Variants in IFT80 observed in about 807,000 individuals in gnomAD.
IFT80 encodes the protein intraflagellar transport protein 80 homolog.
Under a neutral mutation model 107.9 loss-of-function variants are expected in IFT80, and 79 were observed. That is an observed-to-expected ratio of 0.73 (90% CI 0.61 to 0.88). The LOEUF (loss-of-function observed/expected upper bound fraction) is 0.88. Among genes scored for constraint, IFT80 ranks in the 40% least tolerant of loss-of-function variants. The pLI, the probability that IFT80 is intolerant of heterozygous loss-of-function variation, is 0.00. For synonymous variants in IFT80, 299 were observed against 300.9 expected, an observed-to-expected ratio of 0.99 and a Z score of 0.07; for missense variants, 797 against 914.2, an observed-to-expected ratio of 0.87 and a Z score of 1.65.
chr3:160,307,173 G>T (rs773158370), intron 10 of IFT80, among the ~76,000 whole-genome samples: 3 of 151,996 alleles, frequency 2.0e-5, no homozygotes, highest in Non-Finnish European at 4.4e-5. Flanking sequence ...TTTGAGACAG[G>T]GTCTCACTCT....
chr3:160,339,754 A>G (rs1162652545), intron 8 of IFT80, among the ~76,000 whole-genome samples: 3 of 152,256 alleles, frequency 2.0e-5, no homozygotes, highest in Admixed American at 6.5e-5. Context: ...AGTGTTCTGT[A>G]TTAACAATAT....
intron 18 of IFT80, chr3:160,274,506 AG>A (rs1714080763): frequency 6.6e-6 from 1 of 152,236 alleles, no homozygotes; most frequent in Admixed American, 6.5e-5. Flanking sequence ...ATAGAGAGTA[AG>A]GGCATGAATA....
intron 12 of IFT80, among the ~76,000 whole-genome samples, chr3:160,294,087 T>C (rs981949531): frequency 1.3e-5 from 2 of 152,206 alleles, no homozygotes; most frequent in Non-Finnish European, 2.9e-5. Flanking sequence ...TTATTGAACT[T>C]GAGGGGCTGA....
intron 8 of IFT80, among the ~76,000 whole-genome samples, chr3:160,331,862 G>T (rs1719111803): frequency 6.6e-6 from 1 of 152,040 alleles, no homozygotes; most frequent in Non-Finnish European, 1.5e-5. Flanking sequence ...GGTCTATGTT[G>T]CCCAGGCTGC....
At chr3:160,259,325 C>G (rs147971806) in intron 19 of IFT80, among the ~76,000 whole-genome samples, 1 of 152,090 alleles carries the variant, frequency 6.6e-6, no homozygotes, top group African/African-American at 2.4e-5. Flanking sequence ...TGAGATGGAC[C>G]GCTGTCTTCC....
At chr3:160,308,468 G>C (rs1194033212) in intron 9 of IFT80, among the ~76,000 whole-genome samples, 1 of 152,024 alleles carries the variant, frequency 6.6e-6, no homozygotes, top group Non-Finnish European at 1.5e-5. Context: ...TGAAGTTGAT[G>C]AACAAACTGC....
intron 3 of IFT80, among the ~76,000 whole-genome samples, chr3:160,378,542 A>G (rs1712220895): frequency 6.6e-6 from 1 of 151,906 alleles, no homozygotes; most frequent in African/African-American, 2.4e-5. Context: ...CTCTGTGGAA[A>G]ATGGCTGATT....
chr3:160,294,588 G>A (rs1461650335), intron 12 of IFT80, among the ~76,000 whole-genome samples: 3 of 152,222 alleles, frequency 2.0e-5, no homozygotes, highest in Admixed American at 2.0e-4. Flanking sequence ...TTCAGTTGGA[G>A]TAGAAAAAGA....
intron 8 of IFT80, among the ~76,000 whole-genome samples, chr3:160,348,544 T>A: frequency 6.6e-6 from 1 of 152,186 alleles, no homozygotes; most frequent in East Asian, 1.9e-4. Flanking sequence ...CTCAAAGAGT[T>A]AAACATAGGG....
At chr3:160,316,152 T>C (rs1717802443) in intron 9 of IFT80, among the ~76,000 whole-genome samples, 1 of 152,094 alleles carries the variant, frequency 6.6e-6, no homozygotes, top group Admixed American at 6.6e-5. Flanking sequence ...TCTCTGGCCC[T>C]TCCTGCTTGC....
intron 1 of IFT80, among the ~76,000 whole-genome samples, chr3:160,391,174 A>G (rs1320577179): frequency 6.6e-6 from 1 of 152,186 alleles, no homozygotes; most frequent in Non-Finnish European, 1.5e-5. Context: ...CTGCTTCAAT[A>G]AAAGTTGCTG....
chr3:160,280,931 C>T (rs1714642729), intron 14 of IFT80, 117 bp from the exon 15 acceptor site: 3 of 841,218 alleles, frequency 3.6e-6, no homozygotes, highest in East Asian at 2.7e-5. Context: ...TATGACTCTA[C>T]TTTCTGATTC....
intron 18 of IFT80, among the ~76,000 whole-genome samples, chr3:160,274,172 T>C (rs1474492888): frequency 6.6e-6 from 1 of 151,888 alleles, no homozygotes; most frequent in Non-Finnish European, 1.5e-5. Context: ...TTTTATAAGA[T>C]AGGGAAGTAA....
intron 19 of IFT80, among the ~76,000 whole-genome samples, chr3:160,262,830 A>T (rs1712966160): frequency 6.6e-6 from 1 of 152,184 alleles, no homozygotes; most frequent in Non-Finnish European, 1.5e-5. Context: ...TTCCTTCAAC[A>T]ACCTCTTAAC....
intron 5 of IFT80, among the ~76,000 whole-genome samples, chr3:160,370,935 T>C (rs147379980): frequency 6.6e-6 from 1 of 152,314 alleles, no homozygotes; most frequent in East Asian, 1.9e-4. Flanking sequence ...GCCACCTCTA[T>C]TTAATCTCTA....
intron 18 of IFT80, among the ~76,000 whole-genome samples, chr3:160,270,289 C>T (rs1011951358): frequency 6.6e-6 from 1 of 152,256 alleles, no homozygotes; most frequent in Admixed American, 6.5e-5. Flanking sequence ...CTGTGAGCCA[C>T]CGTGCCTGGC....
chr3:160,339,961 T>C (rs2108332047), intron 8 of IFT80, among the ~76,000 whole-genome samples: 1 of 152,310 alleles, frequency 6.6e-6, no homozygotes, highest in South Asian at 2.1e-4. Context: ...ATCACTGGCA[T>C]ATCCCCAAAT....
Position 160,285,883 on chromosome 3 carries a change from G to A in IFT80, c.1316-15C>T. The A allele has an allele frequency of 6.3e-7, 1 of 1,582,720 alleles. No homozygotes were observed. Among genetic ancestry groups the A allele is most frequent in the Non-Finnish European group, 8.7e-7 (1 of 1,153,014 alleles). ...GAGGAAGATTACTTGAAAAAAAGTAGAACATTAATTAATGTGTTATATTAG... is the reference window on the plus strand; with the variant it reads ...GAGGAAGATTACTTGAAAAAAAGTAAAACATTAATTAATGTGTTATATTAG... On this transcript the variant is annotated splice_polypyrimidine_tract_variant and intron_variant, in intron 12 of 19. Transcript: ENST00000326448.
chr3:160,391,847 A>C (rs1177320859), intron 1 of IFT80, among the ~76,000 whole-genome samples: 1 of 152,254 alleles, frequency 6.6e-6, no homozygotes, highest in Non-Finnish European at 1.5e-5. Flanking sequence ...TAAGTGATAG[A>C]GAATAGTTGC....
Sources: allele counts gnomAD v4.1 joint callset (sites outside exome capture counted in the v4.1 genomes callset), GRCh38; gene constraint gnomAD v4.1.1; transcripts MANE v1.5; gene names NCBI Gene and HGNC (gene_info 2026-07-23, HGNC 2026-07-21).